SEMA5B: variants seen among roughly 807,000 people sequenced by gnomAD.
SEMA5B encodes the protein semaphorin 5B.
In SEMA5B, 66 loss-of-function variants were observed where a neutral mutation model predicts 135.0. That is an observed-to-expected ratio of 0.49 (90% CI 0.40 to 0.60). SEMA5B has a LOEUF of 0.60. Ranked by LOEUF, SEMA5B falls within the 20% of genes least tolerant of loss-of-function variation. SEMA5B has a pLI of 0.00. For missense variants in SEMA5B, 1,501 were observed against 1,566.3 expected (o/e 0.96, Z 0.70); for synonymous variants, 690 against 639.5 (o/e 1.08, Z -1.19).
chr3:122,936,160 G>A (rs1448432601), intron 5 of SEMA5B, among the ~76,000 whole-genome samples: 1 of 152,206 alleles, frequency 6.6e-6, no homozygotes, highest in East Asian at 1.9e-4. Context: ...AACACAGAGT[G>A]CTTTAAACAA....
intron 12 of SEMA5B, among the ~76,000 whole-genome samples, chr3:122,918,905 T>A (rs1938206677): frequency 6.6e-6 from 1 of 151,916 alleles, no homozygotes; most frequent in Non-Finnish European, 1.5e-5. Context: ...GATAAGAGAC[T>A]TAAAGTGTGT....
intron 1 of SEMA5B, among the ~76,000 whole-genome samples, chr3:122,999,979 G>A (rs912491308): frequency 7.9e-5 from 12 of 152,226 alleles, no homozygotes; most frequent in Non-Finnish European, 1.5e-4. Context: ...GGAGGCTGAG[G>A]CGGGCAGATC....
intron 1 of SEMA5B, among the ~76,000 whole-genome samples, chr3:122,982,554 G>T (rs561073357): frequency 6.6e-6 from 1 of 152,234 alleles, no homozygotes; most frequent in South Asian, 2.1e-4. Flanking sequence ...ATTGACTACG[G>T]TTGGCAAAAA....
chr3:122,959,579 CAA>C (rs1940484639), intron 2 of SEMA5B, among the ~76,000 whole-genome samples: 1 of 151,714 alleles, frequency 6.6e-6, no homozygotes, highest in Admixed American at 6.6e-5. Flanking sequence ...GGAATGAAAA[CAA>C]GAAGAATATA....
chr3:123,004,191 C>T (rs2107769258), intron 1 of SEMA5B, among the ~76,000 whole-genome samples: 1 of 152,316 alleles, frequency 6.6e-6, no homozygotes, highest in South Asian at 2.1e-4. Flanking sequence ...CACAAGGTGC[C>T]CTACTCAGTT....
At chr3:122,950,359 G>A (rs1454654933) in intron 2 of SEMA5B, among the ~76,000 whole-genome samples, 4 of 152,180 alleles carry the variant, frequency 2.6e-5, no homozygotes, top group Non-Finnish European at 5.9e-5. Context: ...ATCCCTGTGG[G>A]GTGATCCTGG....
At chr3:122,958,555 C>A (rs1940437820) in intron 2 of SEMA5B, among the ~76,000 whole-genome samples, 1 of 152,156 alleles carries the variant, frequency 6.6e-6, no homozygotes, top group African/African-American at 2.4e-5. Context: ...CTTGTGGGGC[C>A]AAGCTTAGCC....
intron 1 of SEMA5B, among the ~76,000 whole-genome samples, chr3:122,993,566 T>C (rs1009329574): frequency 5.9e-5 from 9 of 152,174 alleles, no homozygotes; most frequent in African/African-American, 1.9e-4. Flanking sequence ...TATGTGTGCA[T>C]GTGAGCAAGA....
At chr3:122,955,327 T>C (rs1940243410) in intron 2 of SEMA5B, among the ~76,000 whole-genome samples, 3 of 152,098 alleles carry the variant, frequency 2.0e-5, no homozygotes, top group African/African-American at 7.2e-5. Flanking sequence ...GGAGATGAAA[T>C]AAGTTATTTT....
At chr3:122,999,614 C>T (rs536638994) in intron 1 of SEMA5B, among the ~76,000 whole-genome samples, 1 of 152,212 alleles carries the variant, frequency 6.6e-6, no homozygotes, top group South Asian at 2.1e-4. Context: ...ACAAATGAGC[C>T]TCTACCTCCT....
intron 1 of SEMA5B, among the ~76,000 whole-genome samples, chr3:122,973,736 C>T (rs1185641749): frequency 6.6e-6 from 1 of 152,134 alleles, no homozygotes; most frequent in Non-Finnish European, 1.5e-5. Flanking sequence ...AATGTGGAGC[C>T]TCCCTGTCCC....
chr3:122,912,757 G>A, intron 18 of SEMA5B, 86 bp downstream of exon 18: 3 of 1,314,770 alleles, frequency 2.3e-6, no homozygotes, highest in South Asian at 1.5e-5. Context: ...GGGCATTGGG[G>A]TTCCTGGGTA....
chr3:123,005,514 C>G (rs769808321), intron 1 of SEMA5B, among the ~76,000 whole-genome samples: 1 of 152,108 alleles, frequency 6.6e-6, no homozygotes, highest in Non-Finnish European at 1.5e-5. Flanking sequence ...GGTGTGCATT[C>G]CCATACCTGG....
At chr3:122,919,431 C>T (rs922676593) in intron 12 of SEMA5B, among the ~76,000 whole-genome samples, 2 of 152,130 alleles carry the variant, frequency 1.3e-5, no homozygotes, top group Admixed American at 6.5e-5. Context: ...TGGAGGTGCC[C>T]CGTGGGGCTG....
intron 2 of SEMA5B, among the ~76,000 whole-genome samples, chr3:122,960,939 T>TAAAA (rs1940545263): frequency 1.3e-5 from 2 of 152,198 alleles, no homozygotes; most frequent in East Asian, 1.9e-4. Context: ...TACTGAACCG[T>TAAAA]GGACTTAAAA....
chr3:122,970,368 G>T (rs1205733526), intron 1 of SEMA5B, among the ~76,000 whole-genome samples: 1 of 152,250 alleles, frequency 6.6e-6, no homozygotes, highest in East Asian at 1.9e-4. Context: ...TGGAGGGCTT[G>T]TTACAACCGA....
Position 122,976,083 on chromosome 3 carries a change from C to T in SEMA5B, c.-38-14782G>A, listed in dbSNP as rs9968193. 144,000 of 1,534,952 alleles carry T rather than the reference C, an allele frequency of 0.094. 10,599 individuals are homozygous for T. The highest frequency in any genetic ancestry group is 0.4 in the African/African-American group (29,214 of 72,872). ...CTCATCTATGAAGCTCCTTCTGACC[C>T]TCACGCAGCCAATGGCTTCCTCTGC... On this transcript the variant is annotated intron_variant, in intron 1 of 22. Transcript: ENST00000357599.
chr3:122,981,294 C>G (rs1941514063), intron 1 of SEMA5B, among the ~76,000 whole-genome samples: 1 of 152,168 alleles, frequency 6.6e-6, no homozygotes, highest in Non-Finnish European at 1.5e-5. Flanking sequence ...GTGTTGGGCC[C>G]CTGTGCCACA....
At chr3:122,914,841 CAGG>C (rs1345706749) in intron 14 of SEMA5B, among the ~76,000 whole-genome samples, 1 of 152,098 alleles carries the variant, frequency 6.6e-6, no homozygotes, top group Non-Finnish European at 1.5e-5. Flanking sequence ...GAGGTTGAGG[CAGG>C]AGATTACAGT....
Sources: allele counts gnomAD v4.1 joint callset (sites outside exome capture counted in the v4.1 genomes callset), GRCh38; gene constraint gnomAD v4.1.1; transcripts MANE v1.5; gene names NCBI Gene and HGNC (gene_info 2026-07-23, HGNC 2026-07-21).